The following LANCL2 variants were observed in gnomAD, a reference collection of about 807,000 sequenced individuals.
LANCL2 encodes lanC-like protein 2.
A neutral mutation model predicts 56.9 loss-of-function variants in LANCL2; 33 were observed. That is an observed-to-expected ratio of 0.58 (90% CI 0.44 to 0.78). The LOEUF (loss-of-function observed/expected upper bound fraction) is 0.78. Ranked by LOEUF, LANCL2 falls within the 30% of genes least tolerant of loss-of-function variation. The pLI, the probability that LANCL2 is intolerant of heterozygous loss-of-function variation, is 0.00. For missense variants in LANCL2, 562 were observed against 580.2 expected (o/e 0.97, Z 0.32); for synonymous variants, 233 against 228.2 (o/e 1.02, Z -0.19).
rs1790321132 is a variant in LANCL2, at chr7:55,401,249, T to C, written c.754T>C (p.Tyr252His). Reference protein sequence around the residue: ...ERKTERCPLLYQWHRKQYVGA... With the variant: ...ERKTERCPLLHQWHRKQYVGA... ...AAAAACGGAGCGCTGCCCGCTGTTG[T>C]ACCAGTGGCACCGGAAGCAGTACGT... is the stretch of plus-strand genomic sequence containing the variant. The change falls in exon 5 of 9, where the codon TAC (tyrosine) becomes CAC (histidine). Residue 252 changes from tyrosine (Y) to histidine (H), a missense_variant. Tyr to His is a moderately conservative substitution (Grantham distance 83, BLOSUM62 2). Around this residue, in one of 2 missense-constraint regions of LANCL2, gnomAD observed 378 missense variants for 468.4 expected, o/e 0.81. Coordinates refer to ENST00000254770, the MANE Select transcript of LANCL2 (RefSeq NM_018697.4). 1 of 1,614,122 alleles carries C rather than the reference T, an allele frequency of 6.2e-7. No homozygotes were observed. The highest frequency in any genetic ancestry group is 1.3e-5 in the African/African-American group (1 of 75,048).
intron 5 of LANCL2, among the ~76,000 whole-genome samples, chr7:55,410,203 C>T (rs1173444517): frequency 2.0e-5 from 3 of 152,156 alleles, no homozygotes; most frequent in African/African-American, 7.2e-5. Context: ...GAGATAAGCT[C>T]CTCAACATTT....
intron 5 of LANCL2, among the ~76,000 whole-genome samples, chr7:55,407,292 C>T (rs984056945): frequency 6.6e-6 from 1 of 152,192 alleles, no homozygotes; most frequent in Non-Finnish European, 1.5e-5. Context: ...GTGAGACTGC[C>T]TCTCTGTCAC....
chr7:55,379,102 A>T (rs913254076), intron 1 of LANCL2, among the ~76,000 whole-genome samples: 8 of 152,246 alleles, frequency 5.3e-5, no homozygotes, highest in Non-Finnish European at 8.8e-5. Flanking sequence ...GTGAACCAAG[A>T]TCACGCCACT....
At chr7:55,380,743 A>C (rs1392524394) in intron 1 of LANCL2, among the ~76,000 whole-genome samples, 2 of 151,550 alleles carry the variant, frequency 1.3e-5, no homozygotes, top group South Asian at 2.1e-4. Context: ...GGTTCTGTAG[A>C]GCGTGTTACA....
intron 6 of LANCL2, among the ~76,000 whole-genome samples, chr7:55,422,548 C>T (rs1790620189): frequency 6.6e-6 from 1 of 152,112 alleles, no homozygotes; most frequent in Non-Finnish European, 1.5e-5. Context: ...TCTTTTAGTA[C>T]ACTGGGGTGA....
intron 6 of LANCL2, among the ~76,000 whole-genome samples, chr7:55,421,728 A>G (rs1167570784): frequency 1.3e-5 from 2 of 152,048 alleles, no homozygotes; most frequent in Non-Finnish European, 2.9e-5. Context: ...TTAGCTTTTC[A>G]TAATCTCCTT....
At chr7:55,391,213 T>A (rs547821162) in intron 1 of LANCL2, among the ~76,000 whole-genome samples, 62 of 152,016 alleles carry the variant, frequency 4.1e-4, no homozygotes, top group African/African-American at 1.4e-3. Flanking sequence ...AGAGACGGGG[T>A]TTCACTGTGT....
chr7:55,404,399 C>T (rs1790380946), intron 5 of LANCL2, among the ~76,000 whole-genome samples: 1 of 152,180 alleles, frequency 6.6e-6, no homozygotes, highest in African/African-American at 2.4e-5. Flanking sequence ...ATTTAGATAT[C>T]TTAGACTGGA....
At chr7:55,388,760 G>C (rs1319190606) in intron 1 of LANCL2, among the ~76,000 whole-genome samples, 3 of 152,232 alleles carry the variant, frequency 2.0e-5, no homozygotes, top group Non-Finnish European at 2.9e-5. Context: ...AACTGGAGCA[G>C]AGAGCCCCTT....
At chr7:55,418,528 A>T (rs903376322) in intron 6 of LANCL2, among the ~76,000 whole-genome samples, 1 of 152,170 alleles carries the variant, frequency 6.6e-6, no homozygotes, top group Non-Finnish European at 1.5e-5. Context: ...AAATTCACGT[A>T]TCAGTTCTGG....
chr7:55,387,561 T>G (rs1243241356), intron 1 of LANCL2, among the ~76,000 whole-genome samples: 2 of 151,354 alleles, frequency 1.3e-5, no homozygotes, highest in African/African-American at 2.4e-5. Context: ...TTTTAGAAAC[T>G]TTTATAAAAT....
At chr7:55,398,299 G>T in intron 2 of LANCL2, 124 bp from the exon 3 acceptor site, 2 of 682,160 alleles carry the variant, frequency 2.9e-6, no homozygotes, top group Admixed American at 2.6e-5. Flanking sequence ...TATTGTTTTG[G>T]TGTTACCCGT....
chr7:55,405,830 A>G (rs936383980), intron 5 of LANCL2, among the ~76,000 whole-genome samples: 1 of 152,178 alleles, frequency 6.6e-6, no homozygotes, highest in African/African-American at 2.4e-5. Flanking sequence ...TTGGAACACT[A>G]TGTAGTAAGT....
intron 1 of LANCL2, among the ~76,000 whole-genome samples, 193 bp downstream of exon 1, chr7:55,366,422 C>G (rs182366592): frequency 2.6e-5 from 4 of 152,262 alleles, no homozygotes; most frequent in Admixed American, 2.0e-4. Context: ...GCATGAACCA[C>G]GTTCCAGCAG....
In LANCL2 at chr7:55,366,144, C is replaced by G; in HGVS notation, c.119C>G (p.Ala40Gly). The G allele has an allele frequency of 6.4e-7, 1 of 1,551,492 alleles. No homozygotes were observed. Among genetic ancestry groups the G allele is most frequent in the Non-Finnish European group, 8.7e-7 (1 of 1,146,588 alleles). The change falls in exon 1 of 9, where the codon GCC becomes GGC. Residue 40 changes from alanine to glycine, a missense_variant. By Grantham distance (60) the Ala-to-Gly change is moderately conservative. Coordinates refer to ENST00000254770, the MANE Select transcript of LANCL2 (RefSeq NM_018697.4). ...DYEAAAGALL[A>G]SGAAEETGCV... Reference sequence around the variant, plus strand: ...GAGGCCGCCGCCGGGGCGCTGCTCGCCTCCGGAGCGGCCGAAGAGACAGGC... The same window carrying G: ...GAGGCCGCCGCCGGGGCGCTGCTCGGCTCCGGAGCGGCCGAAGAGACAGGC...
intron 5 of LANCL2, among the ~76,000 whole-genome samples, chr7:55,404,339 C>G (rs553337776): frequency 1.3e-5 from 2 of 152,064 alleles, no homozygotes; most frequent in East Asian, 1.9e-4. Context: ...TTTAAGCTTT[C>G]TTTATTCTGC....
chr7:55,418,185 G>A (rs1562868926), intron 6 of LANCL2, among the ~76,000 whole-genome samples: 1 of 148,066 alleles, frequency 6.8e-6, no homozygotes, highest in South Asian at 2.1e-4. Flanking sequence ...ATACAATTGC[G>A]TTTTTTTTTT....
chr7:55,369,881 G>T (rs901421204), intron 1 of LANCL2, among the ~76,000 whole-genome samples: 11 of 152,218 alleles, frequency 7.2e-5, no homozygotes, highest in Non-Finnish European at 1.5e-4. Context: ...AGAAGGAGCA[G>T]CCCCACCCCT....
chr7:55,416,405 C>A (rs1471695262), intron 6 of LANCL2, among the ~76,000 whole-genome samples: 1 of 152,104 alleles, frequency 6.6e-6, no homozygotes, highest in Non-Finnish European at 1.5e-5. Flanking sequence ...CCCACTTCAA[C>A]CTTCCAAGTA....
Sources: gnomAD v4.1 joint callset for allele counts (sites outside exome capture counted in the v4.1 genomes callset) on GRCh38, gnomAD v4.1.1 for gene constraint, gnomAD v4.1.1 regional missense constraint, MANE v1.5 for transcripts, NCBI Gene and HGNC (gene_info 2026-07-23, HGNC 2026-07-21) for gene names.